The following UTS2 variants were observed in gnomAD, a reference collection of about 807,000 sequenced individuals.
UTS2 encodes urotensin 2, also known as urotensin-2.
UTS2 carries 10 observed loss-of-function variants against 12.6 expected under a neutral mutation model. The observed-to-expected ratio is 0.80, with a 90% CI of 0.49 to 1.35. The LOEUF is 1.35. UTS2 is among the 40% of genes most tolerant of loss of function. UTS2 has a pLI of 0.00. For synonymous variants in UTS2, 52 were observed against 50.0 expected (o/e 1.04, Z -0.17); for missense variants, 142 against 143.2 (o/e 0.99, Z 0.04).
the UTS2 span, among the ~76,000 whole-genome samples, chr1:7,877,732 G>A: frequency 1.7e-4 from 26 of 152,280 alleles, no homozygotes; most frequent in Admixed American, 4.6e-4. Flanking sequence ...AATTAGCTGG[G>A]CATGGTGGCA....
the UTS2 span, among the ~76,000 whole-genome samples, chr1:7,903,130 C>CCTTTTTTTAATTATTAATTAATTTA: frequency 6.0e-5 from 2 of 33,596 alleles, no homozygotes; most frequent in African/African-American, 2.5e-4. Flanking sequence ...TCCCCTCCTT[C>CCTTTTTTTAATTATTAATTAATTTA]TCCTGCTTCC....
chr1:7,869,527 C>T, the UTS2 span, among the ~76,000 whole-genome samples: 1 of 152,172 alleles, frequency 6.6e-6, no homozygotes, highest in Non-Finnish European at 1.5e-5. Context: ...GAAAATGCTG[C>T]CTTTCTAGGG....
the UTS2 span, among the ~76,000 whole-genome samples, chr1:7,909,984 G>A: frequency 3.3e-5 from 5 of 152,308 alleles, no homozygotes; most frequent in East Asian, 9.7e-4. Context: ...ATATGTATGT[G>A]TTAACCTTAC....
the UTS2 span, among the ~76,000 whole-genome samples, chr1:7,894,321 C>T: frequency 1.3e-5 from 2 of 151,864 alleles, no homozygotes; most frequent in Non-Finnish European, 2.9e-5. Context: ...TAGCAGGCCC[C>T]CACCACTACA....
intron 1 of UTS2, 148 bp downstream of exon 1, chr1:7,852,753 C>G (rs921483196): frequency 3.4e-6 from 3 of 870,070 alleles, no homozygotes; most frequent in African/African-American, 3.5e-5. Context: ...AGTAAGGATC[C>G]TTTAATATTC....
the UTS2 span, among the ~76,000 whole-genome samples, chr1:7,910,611 A>C: frequency 6.6e-6 from 1 of 152,162 alleles, no homozygotes; most frequent in African/African-American, 2.4e-5. Flanking sequence ...TGATCAAATA[A>C]ATTTGTATGC....
At chr1:7,903,639 G>A in the UTS2 span, among the ~76,000 whole-genome samples, 15 of 149,812 alleles carry the variant, frequency 1.0e-4, no homozygotes, top group Admixed American at 2.7e-4. Context: ...ATCCTCCCAC[G>A]TCGGCCTCTC....
chr1:7,853,626 G>A (rs1378747947), upstream of UTS2: 21 of 580,746 alleles, frequency 3.6e-5, no homozygotes, highest in Non-Finnish European at 5.5e-5. Context: ...ATGTGAAGCC[G>A]CAAGCACTTC....
At chr1:7,893,773 C>T in the UTS2 span, among the ~76,000 whole-genome samples, 10 of 152,168 alleles carry the variant, frequency 6.6e-5, no homozygotes, top group Non-Finnish European at 1.3e-4. Flanking sequence ...TGTCTCCATA[C>T]ACTCACCCAT....
At chr1:7,848,876 T>C (rs773613482) in intron 3 of UTS2, among the ~76,000 whole-genome samples, 16 of 152,154 alleles carry the variant, frequency 1.1e-4, no homozygotes, top group Non-Finnish European at 2.2e-4. Flanking sequence ...GATGTTGTCT[T>C]GCAGTGCCCT....
chr1:7,863,761 C>G, the UTS2 span, among the ~76,000 whole-genome samples: 1 of 152,214 alleles, frequency 6.6e-6, no homozygotes, highest in Non-Finnish European at 1.5e-5. Context: ...TGTGTAAGAA[C>G]CCCCCATCCC....
the UTS2 span, among the ~76,000 whole-genome samples, chr1:7,889,260 CAA>C: frequency 1.1e-3 from 80 of 72,570 alleles, no homozygotes; most frequent in African/African-American, 2.6e-3. Context: ...CTCATTTCTA[CAA>C]AAAAAAAAAA....
chr1:7,866,854 A>G, the UTS2 span, among the ~76,000 whole-genome samples: 2 of 152,036 alleles, frequency 1.3e-5, no homozygotes, highest in African/African-American at 4.8e-5. The surrounding 1 kb of genome is among the most constrained non-coding windows in gnomAD (Gnocchi z 4.5). Context: ...TGATCAAATT[A>G]CGTAAGTTTT....
At chr1:7,875,556 T>A in the UTS2 span, among the ~76,000 whole-genome samples, 1 of 151,926 alleles carries the variant, frequency 6.6e-6, no homozygotes, top group Non-Finnish European at 1.5e-5. Flanking sequence ...TGAACACCCA[T>A]CACAGCTGTG....
chr1:7,849,722 G>T (rs1403935869), intron 2 of UTS2, 39 bp from the exon 3 acceptor site: 1 of 1,558,346 alleles, frequency 6.4e-7, no homozygotes, highest in South Asian at 1.2e-5. Flanking sequence ...CAGATCTGTT[G>T]TTTCTCTTGT....
chr1:7,862,802 C>G, the UTS2 span, among the ~76,000 whole-genome samples: 1 of 152,190 alleles, frequency 6.6e-6, no homozygotes, highest in African/African-American at 2.4e-5. Flanking sequence ...ACCTCCAACA[C>G]TGAGGATCAA....
the UTS2 span, among the ~76,000 whole-genome samples, chr1:7,896,244 G>C: frequency 1.3e-5 from 2 of 151,500 alleles, no homozygotes; most frequent in African/African-American, 4.9e-5. Flanking sequence ...AAGTGGGGAA[G>C]GGATGTTTAT....
the UTS2 span, among the ~76,000 whole-genome samples, chr1:7,863,053 G>GTATTGTATTGTATTGTATT: frequency 1.7e-5 from 1 of 59,618 alleles, no homozygotes; most frequent in African/African-American, 6.0e-5. Context: ...GTATTGTATT[G>GTATTGTATTGTATTGTATT]TATTGTATTG....
At chr1:7,888,871 A>T in the UTS2 span, among the ~76,000 whole-genome samples, 2 of 152,182 alleles carry the variant, frequency 1.3e-5, no homozygotes, top group African/African-American at 4.8e-5. Flanking sequence ...GGCTCTGGAC[A>T]GACTTTCTGG....
Sources: gnomAD v4.1 joint callset for allele counts (sites outside exome capture counted in the v4.1 genomes callset) on GRCh38, gnomAD v4.1.1 for gene constraint, Gnocchi (gnomAD v3.1) non-coding constraint, MANE v1.5 for transcripts, NCBI Gene and HGNC (gene_info 2026-07-23, HGNC 2026-07-21) for gene names.